UEVLD: variants seen among roughly 807,000 people sequenced by gnomAD.
UEVLD encodes ubiquitin-conjugating enzyme E2 variant 3.
A neutral mutation model predicts 58.6 loss-of-function variants in UEVLD; 47 were observed. The observed-to-expected ratio is 0.80, with a 90% confidence interval of 0.63 to 1.02. The LOEUF (loss-of-function observed/expected upper bound fraction) is 1.02, where lower values mean the gene tolerates loss of function less well. Ranked by LOEUF, UEVLD falls within the 50% of genes least tolerant of loss-of-function variation. UEVLD has a pLI of 0.00. For missense variants in UEVLD, 510 were observed against 550.6 expected, an observed-to-expected ratio of 0.93 and a Z score of 0.74; for synonymous variants, 197 against 195.3, an observed-to-expected ratio of 1.01 and a Z score of -0.07.
Position 18,565,977 on chromosome 11 carries a change from C to A in UEVLD, c.493+370G>T, listed in dbSNP as rs967238592. On this transcript the variant is annotated intron_variant, in intron 5 of 11. Transcript: ENST00000396197. ...GCAGTTGTTCAATCTCAGCTCACTG[C>A]AACCTCTGCCTCCCGGATTCAAGCA... 3.4e-5 allele frequency among the ~76,000 whole-genome samples: 5 copies of A among 148,298 alleles called. No individual in the cohort carries two copies. The East Asian group carries it at 8.1e-4, about 24-fold the overall frequency.
intron 8 of UEVLD, among the ~76,000 whole-genome samples, chr11:18,546,032 T>C (rs927770906): frequency 1.3e-5 from 2 of 152,078 alleles, no homozygotes; most frequent in Non-Finnish European, 2.9e-5. Context: ...CTCAACAAAT[T>C]ACTACAAAAA....
At chr11:18,545,077 T>A (rs71486869) in intron 8 of UEVLD, among the ~76,000 whole-genome samples, 9,667 of 143,182 alleles carry the variant, frequency 0.068, 507 homozygotes, top group African/African-American at 0.095. Context: ...TATCTATATT[T>A]TTTTTTTTTT....
rs778307422 is a variant in UEVLD at position 18,588,696 on chromosome 11, C to G, written c.-42G>C. 2.9e-5 allele frequency: 47 copies of G among 1,598,188 alleles called. 2 individuals are homozygous for G. In the South Asian group the frequency reaches 5.2e-4, roughly 18 times the overall value. Reference sequence around the variant, plus strand: ...AGCTAGGTCCCAGGACTCCAGCCCCCGGACCTTCTTCCGGACTTGCTGCAG... The same window carrying G: ...AGCTAGGTCCCAGGACTCCAGCCCCGGGACCTTCTTCCGGACTTGCTGCAG... On this transcript the variant is annotated 5_prime_UTR_variant, in exon 1 of 12. Transcript: ENST00000396197.
At chr11:18,573,380 C>T (rs1444305748) in intron 3 of UEVLD, among the ~76,000 whole-genome samples, 1 of 152,196 alleles carries the variant, frequency 6.6e-6, no homozygotes, top group Admixed American at 6.5e-5. Context: ...CTCTTCCTCT[C>T]CCTTCCTCCT....
At position 18,570,321 on chromosome 11, in the gene UEVLD, G is replaced by T. The variant is rs150966697; in HGVS notation, c.250C>A (p.Pro84Thr). ...FWILDSHPFA[P>T]PICFLKPTAN... ...GTTGGCTTCAAGAAGCAAATAGGGG[G>T]AGCGAAAGGGTGAGAATCCAAAATC... The change falls in exon 4 of 12, where the codon CCC becomes ACC. Residue 84 changes from proline (P) to threonine (T), a missense_variant. By Grantham distance (38) the Pro-to-Thr change is conservative (BLOSUM62 -1). Transcript: ENST00000396197. 1 of 1,583,538 alleles carries T rather than the reference G, an allele frequency of 6.3e-7. No individual in the cohort carries two copies. The highest frequency in any genetic ancestry group is 2.0e-5 in the Admixed American group (1 of 50,202).
chr11:18,583,113 A>G (rs750880324), intron 1 of UEVLD, among the ~76,000 whole-genome samples: 15 of 151,668 alleles, frequency 9.9e-5, no homozygotes, highest in Non-Finnish European at 2.2e-4. Context: ...TAGTAGAAAC[A>G]GGGTTTCACC....
At chr11:18,575,086 A>G (rs1019704380) in intron 3 of UEVLD, among the ~76,000 whole-genome samples, 1 of 152,180 alleles carries the variant, frequency 6.6e-6, no homozygotes, top group Non-Finnish European at 1.5e-5. Flanking sequence ...TTCTCATTGT[A>G]CAATGCTGAA....
intron 6 of UEVLD, among the ~76,000 whole-genome samples, chr11:18,560,664 G>A (rs1441098865): frequency 6.6e-6 from 1 of 152,122 alleles, no homozygotes; most frequent in African/African-American, 2.4e-5. Flanking sequence ...GTTTTAAAAT[G>A]TCACCATGTA....
chr11:18,555,496 G>C (rs1357993581), intron 7 of UEVLD, among the ~76,000 whole-genome samples: 1 of 152,012 alleles, frequency 6.6e-6, no homozygotes, highest in Non-Finnish European at 1.5e-5. Flanking sequence ...GCTGAGATAG[G>C]AGAATCACTT....
intron 2 of UEVLD, among the ~76,000 whole-genome samples, chr11:18,576,288 C>A (rs926435778): frequency 6.6e-6 from 1 of 152,172 alleles, no homozygotes; most frequent in Non-Finnish European, 1.5e-5. Flanking sequence ...CACGGTGGCT[C>A]ACACCTGTAA....
chr11:18,564,707 T>G (rs1288092641), intron 6 of UEVLD, among the ~76,000 whole-genome samples, 185 bp downstream of exon 6: 1 of 152,198 alleles, frequency 6.6e-6, no homozygotes, highest in Non-Finnish European at 1.5e-5. Context: ...TTTTTAAACC[T>G]ACTAATTAAA....
chr11:18,569,051 C>T (rs1336546965), intron 4 of UEVLD, among the ~76,000 whole-genome samples: 4 of 152,052 alleles, frequency 2.6e-5, no homozygotes, highest in South Asian at 4.1e-4. Context: ...CCCACCACCA[C>T]GCCTGGCTTA....
chr11:18,543,286 A>C (rs1465882593), intron 9 of UEVLD, among the ~76,000 whole-genome samples: 1 of 152,158 alleles, frequency 6.6e-6, no homozygotes, highest in Non-Finnish European at 1.5e-5. Flanking sequence ...GTAATGACTA[A>C]TTTTCCCCAG....
chr11:18,583,472 G>A (rs1853365619), intron 1 of UEVLD, among the ~76,000 whole-genome samples: 1 of 152,002 alleles, frequency 6.6e-6, no homozygotes, highest in Admixed American at 6.6e-5. Context: ...ACCTGCTTTG[G>A]CCTCCCAAAA....
intron 10 of UEVLD, 106 bp downstream of exon 10, chr11:18,536,300 A>T: frequency 9.9e-7 from 1 of 1,011,382 alleles, no homozygotes; most frequent in Non-Finnish European, 1.5e-6. Context: ...TGTCCATATT[A>T]GTTTTGTTTC....
chr11:18,563,416 C>A (rs555226181), intron 6 of UEVLD, among the ~76,000 whole-genome samples: 100 of 151,926 alleles, frequency 6.6e-4, no homozygotes, highest in African/African-American at 2.3e-3. Context: ...CATGGTGAAA[C>A]TCTGTCTCTA....
intron 7 of UEVLD, among the ~76,000 whole-genome samples, chr11:18,549,554 G>A (rs1851439181): frequency 6.6e-6 from 1 of 152,024 alleles, no homozygotes; most frequent in African/African-American, 2.4e-5. Flanking sequence ...TAGTAGCTGG[G>A]ATTACAGGTG....
At chr11:18,533,057 CTTTTCTTTTT>C (rs1565103273) in intron 11 of UEVLD, among the ~76,000 whole-genome samples, 5 of 140,656 alleles carry the variant, frequency 3.6e-5, no homozygotes, top group Non-Finnish European at 7.9e-5. Context: ...CTTTTCTTTT[CTTTTCTTTTT>C]TTTTTTTTTG....
At chr11:18,551,742 T>G (rs114270031) in intron 7 of UEVLD, among the ~76,000 whole-genome samples, 2,579 of 152,274 alleles carry the variant, frequency 0.017, 63 homozygotes, top group African/African-American at 0.058. Flanking sequence ...CTTTCCCATT[T>G]CTATAGGTAG....
Sources: allele counts gnomAD v4.1 joint callset (sites outside exome capture counted in the v4.1 genomes callset), GRCh38; gene constraint gnomAD v4.1.1; transcripts MANE v1.5; gene names NCBI Gene and HGNC (gene_info 2026-07-23, HGNC 2026-07-21).